Variants in SPON1 observed in about 807,000 individuals in gnomAD.
SPON1 encodes spondin-1.
Under a neutral mutation model 111.7 loss-of-function variants are expected in SPON1, and 52 were observed. The observed-to-expected ratio is 0.47, with a 90% CI of 0.37 to 0.59. SPON1 has a LOEUF of 0.59. Among genes scored for constraint, SPON1 ranks in the 20% least tolerant of loss-of-function variants. SPON1 has a pLI of 0.00. For missense variants in SPON1, 957 were observed against 1,068.5 expected (o/e 0.90, Z 1.46); for synonymous variants, 410 against 395.8 (o/e 1.04, Z -0.43).
At chr11:14,026,303 G>A (rs574769615) in intron 2 of SPON1, among the ~76,000 whole-genome samples, 1 of 152,330 alleles carries the variant, frequency 6.6e-6, no homozygotes, top group Admixed American at 6.5e-5. Context: ...TAGTCCTTGA[G>A]TGTTACCATA....
intron 3 of SPON1, among the ~76,000 whole-genome samples, chr11:14,064,638 C>T (rs1848818363): frequency 6.6e-6 from 1 of 152,146 alleles, no homozygotes. Flanking sequence ...GTGTGCCACA[C>T]CCTGTGCTGG....
chr11:13,971,496 G>C (rs1848062877), intron 1 of SPON1, among the ~76,000 whole-genome samples: 1 of 152,096 alleles, frequency 6.6e-6, no homozygotes, highest in Admixed American at 6.5e-5. Flanking sequence ...TCCAAACCTA[G>C]CTATGCCTTT....
At chr11:13,976,431 C>T (rs1285084170) in intron 1 of SPON1, among the ~76,000 whole-genome samples, 1 of 152,144 alleles carries the variant, frequency 6.6e-6, no homozygotes, top group Non-Finnish European at 1.5e-5. Flanking sequence ...AAGATAGAGT[C>T]TCCTCTATTC....
chr11:14,253,902 G>A (rs1341552872), intron 7 of SPON1, among the ~76,000 whole-genome samples: 2 of 152,238 alleles, frequency 1.3e-5, no homozygotes, highest in African/African-American at 2.4e-5. Context: ...GCCACTCTGA[G>A]TGGTTGCTGC....
At chr11:13,967,135 A>G (rs1848023839) in intron 1 of SPON1, among the ~76,000 whole-genome samples, 1 of 152,188 alleles carries the variant, frequency 6.6e-6, no homozygotes, top group African/African-American at 2.4e-5. Context: ...ACAGCTAATA[A>G]TCAGCAGAAT....
At position 14,163,864 on chromosome 11, in the gene SPON1, G is replaced by A. The variant is rs1035276025; in HGVS notation, c.825+28296G>A. ...CCTCCCCCGCTTTAGCAACAGCCCT[G>A]GTTACCCCCACACCCATAAAGGCTA... On this transcript the variant is annotated intron_variant, in intron 6 of 15. Coordinates refer to ENST00000576479, the MANE Select transcript of SPON1 (RefSeq NM_006108.4). Among the ~76,000 whole-genome samples, 4 of 151,366 alleles carry A rather than the reference G, an allele frequency of 2.6e-5. No homozygotes were observed. In the South Asian group the frequency reaches 6.3e-4, roughly 24 times the overall value.
At chr11:14,089,619 T>C (rs1218166604) in intron 5 of SPON1, among the ~76,000 whole-genome samples, 1 of 152,220 alleles carries the variant, frequency 6.6e-6, no homozygotes, top group Non-Finnish European at 1.5e-5. Context: ...GGTCAGGGAC[T>C]CACTTGAGGA....
chr11:13,967,593 A>T (rs1848028221), intron 1 of SPON1, among the ~76,000 whole-genome samples: 1 of 151,876 alleles, frequency 6.6e-6, no homozygotes, highest in African/African-American at 2.4e-5. Flanking sequence ...TTACATACAG[A>T]TGTTATATGA....
chr11:14,140,589 T>G (rs1554928666), intron 6 of SPON1, among the ~76,000 whole-genome samples: 1 of 152,190 alleles, frequency 6.6e-6, no homozygotes, highest in East Asian at 1.9e-4. Context: ...GAGACGGGGT[T>G]TTACCATGCT....
chr11:14,118,336 TA>T (rs1424561865), intron 5 of SPON1, among the ~76,000 whole-genome samples: 1 of 152,200 alleles, frequency 6.6e-6, no homozygotes, highest in African/African-American at 2.4e-5. Flanking sequence ...TAACAATGTT[TA>T]TGTGTAAAAG....
rs2133930531 is a variant in SPON1 at position 14,265,600 on chromosome 11, G to T, written c.2337G>T (p.Met779Ile). ...LCGGGIQERY[M>I]TVKKRFKSSQ... is the part of the protein sequence containing the mutation. ...GAGGTGGAATTCAGGAACGTTACATGACTGTAAAGAAGAGATTCAAAAGCT... is the reference window on the plus strand; with the variant it reads ...GAGGTGGAATTCAGGAACGTTACATTACTGTAAAGAAGAGATTCAAAAGCT... The change falls in exon 16 of 16, where the codon ATG (methionine) becomes ATT (isoleucine). Residue 779 changes from methionine (M) to isoleucine (I), a missense_variant. Around this residue, in one of 5 missense-constraint regions of SPON1, gnomAD observed 549 missense variants for 606.2 expected, o/e 0.91. Coordinates refer to ENST00000576479, the MANE Select transcript of SPON1 (RefSeq NM_006108.4). 1 of 1,613,702 alleles carries T rather than the reference G, an allele frequency of 6.2e-7. No homozygotes were observed. Among genetic ancestry groups the T allele is most frequent in the South Asian group, 1.1e-5 (1 of 90,956 alleles).
At chr11:14,009,015 A>T (rs1848384786) in intron 2 of SPON1, among the ~76,000 whole-genome samples, 1 of 152,156 alleles carries the variant, frequency 6.6e-6, no homozygotes, top group Non-Finnish European at 1.5e-5. Context: ...CGACCATAGT[A>T]ACCTTTCTGC....
intron 6 of SPON1, among the ~76,000 whole-genome samples, chr11:14,236,268 A>G (rs1207552682): frequency 6.6e-6 from 1 of 152,054 alleles, no homozygotes; most frequent in Admixed American, 6.6e-5. Context: ...TTGGATCATG[A>G]AGATATTTTG....
chr11:14,003,111 G>A (rs1026528178), intron 2 of SPON1, among the ~76,000 whole-genome samples: 3 of 152,064 alleles, frequency 2.0e-5, no homozygotes, highest in Non-Finnish European at 4.4e-5. Context: ...CCTCAGTATC[G>A]CAGAGGGAGC....
intron 5 of SPON1, among the ~76,000 whole-genome samples, chr11:14,086,767 G>A (rs550710604): frequency 6.1e-4 from 93 of 152,236 alleles, no homozygotes; most frequent in African/African-American, 1.9e-3. Flanking sequence ...CTGTGAATCC[G>A]TCTGGTCCTG....
chr11:14,129,978 C>G (rs1847508617), intron 5 of SPON1, among the ~76,000 whole-genome samples: 2 of 150,324 alleles, frequency 1.3e-5, no homozygotes, highest in South Asian at 4.1e-4. Flanking sequence ...AAACTGCTTT[C>G]ATGACCTCCC....
In SPON1 at chr11:13,962,914, T is replaced by G. The variant is rs1564874071; in HGVS notation, c.10T>G (p.Ser4Ala). 6.5e-6 allele frequency: 10 copies of G among 1,542,156 alleles called. No homozygotes were observed. In the South Asian group the frequency reaches 1.2e-4, roughly 19 times the overall value. MRL[S>A]PAPLKLSRTP... ...GTTGGGGGCCGCGAAGATGAGGCTG[T>G]CCCCGGCGCCCCTGAAGCTGAGCCG... The change falls in exon 1 of 16, where the codon TCC (serine) becomes GCC (alanine). Residue 4 changes from serine to alanine, a missense_variant. Ser to Ala is a moderately conservative substitution (Grantham distance 99, BLOSUM62 1). Around this residue, in one of 5 missense-constraint regions of SPON1, gnomAD observed 262 missense variants for 253.9 expected, o/e 1.03. Transcript: ENST00000576479.
At chr11:14,224,927 C>T (rs1176581718) in intron 6 of SPON1, among the ~76,000 whole-genome samples, 1 of 152,050 alleles carries the variant, frequency 6.6e-6, no homozygotes, top group Admixed American at 6.6e-5. Context: ...GGGAGTAAAA[C>T]GGGAGGCAGG....
In SPON1 at chr11:14,035,366, TTAA is replaced by T. The variant is rs573085253; in HGVS notation, c.346-6150_346-6148del. On this transcript the variant is annotated intron_variant, in intron 2 of 15. Coordinates refer to ENST00000576479, the MANE Select transcript of SPON1 (RefSeq NM_006108.4). ...TACAGTAGTTTCCTAAGGGGTGGGT[TTAA>T]TAATGCTTATTTTTCAGTGTTTGAG... Among the ~76,000 whole-genome samples, 9 of 152,320 alleles carry T rather than the reference TTAA, an allele frequency of 5.9e-5. No homozygotes were observed. In the South Asian group the frequency reaches 1.7e-3, roughly 28 times the overall value.
Sources: allele counts gnomAD v4.1 joint callset (sites outside exome capture counted in the v4.1 genomes callset), GRCh38; gene constraint gnomAD v4.1.1; regional missense constraint gnomAD v4.1.1; transcripts MANE v1.5; gene names NCBI Gene and HGNC (gene_info 2026-07-23, HGNC 2026-07-21).